Variants in RASGRF2 observed in about 807,000 individuals in gnomAD.
RASGRF2 encodes the protein ras-specific guanine nucleotide-releasing factor 2.
In RASGRF2, 76 loss-of-function variants were observed where a neutral mutation model predicts 151.0. The ratio of observed to expected loss-of-function variants is 0.50; its 90% CI spans 0.42 to 0.61. The LOEUF (loss-of-function observed/expected upper bound fraction) is 0.61. Among genes scored for constraint, RASGRF2 ranks in the 20% least tolerant of loss-of-function variants. RASGRF2 has a pLI of 0.00. For synonymous variants in RASGRF2, 504 were observed against 566.5 expected (o/e 0.89, Z 1.57); for missense variants, 1,148 against 1,564.6 (o/e 0.73, Z 4.49).
At chr5:81,199,394 G>C (rs530662278) in intron 18 of RASGRF2, among the ~76,000 whole-genome samples, 1 of 152,338 alleles carries the variant, frequency 6.6e-6, no homozygotes, top group African/African-American at 2.4e-5. Flanking sequence ...GACATATGAT[G>C]TTGGTTTCTT....
intron 18 of RASGRF2, among the ~76,000 whole-genome samples, chr5:81,184,541 C>T (rs796579136): frequency 6.6e-6 from 1 of 152,172 alleles, no homozygotes; most frequent in East Asian, 1.9e-4. Context: ...CCATGAATGA[C>T]GCTGGTAAAA....
chr5:81,199,544 T>G (rs972339319), intron 18 of RASGRF2, among the ~76,000 whole-genome samples: 1 of 152,228 alleles, frequency 6.6e-6, no homozygotes, highest in African/African-American at 2.4e-5. Flanking sequence ...TTCAACCATT[T>G]TAGCATTCAG....
chr5:81,208,282 C>A (rs1755554093), intron 21 of RASGRF2, 72 bp from the exon 22 acceptor site: 2 of 1,298,574 alleles, frequency 1.5e-6, no homozygotes, highest in African/African-American at 1.5e-5. Flanking sequence ...ATATTCGTGA[C>A]AACTGTCCAG....
chr5:81,087,406 G>A (rs965939690), intron 9 of RASGRF2: 2 of 693,290 alleles, frequency 2.9e-6, no homozygotes, highest in African/African-American at 3.5e-5. Flanking sequence ...CAGCACTTCC[G>A]GATCCGCCCC....
intron 11 of RASGRF2, 121 bp downstream of exon 11, chr5:81,094,483 G>A: frequency 1.1e-6 from 1 of 921,334 alleles, no homozygotes; most frequent in Non-Finnish European, 1.6e-6. Flanking sequence ...CATGAGCCTT[G>A]TTAAACCATC....
intron 22 of RASGRF2, among the ~76,000 whole-genome samples, chr5:81,210,788 C>A (rs1004295622): frequency 6.6e-6 from 1 of 152,134 alleles, no homozygotes; most frequent in African/African-American, 2.4e-5. Flanking sequence ...AGATGGCTGC[C>A]AGGTCCTCCA....
At chr5:80,992,164 T>G (rs1748670419) in intron 1 of RASGRF2, among the ~76,000 whole-genome samples, 1 of 18,412 alleles carries the variant, frequency 5.4e-5, no homozygotes, top group Non-Finnish European at 2.2e-4. Context: ...CTCTTCTTTC[T>G]GTTACATGCA....
At chr5:81,138,008 C>T (rs1162545156) in intron 17 of RASGRF2, among the ~76,000 whole-genome samples, 4 of 152,150 alleles carry the variant, frequency 2.6e-5, no homozygotes, top group East Asian at 3.9e-4. Context: ...TTTGCTGTAG[C>T]TATAGGAACC....
intron 1 of RASGRF2, among the ~76,000 whole-genome samples, chr5:81,037,162 A>G (rs565244400): frequency 5.9e-5 from 9 of 152,308 alleles, no homozygotes; most frequent in East Asian, 5.8e-4. Flanking sequence ...CCATGATTCA[A>G]TTATCTCTCA....
intron 15 of RASGRF2, among the ~76,000 whole-genome samples, chr5:81,122,472 G>A (rs1039985370): frequency 2.0e-5 from 3 of 151,946 alleles, no homozygotes; most frequent in African/African-American, 7.3e-5. Flanking sequence ...CCTTTTCCTG[G>A]CCCCTTTGTG....
At chr5:81,170,258 C>G (rs1480583098) in intron 17 of RASGRF2, among the ~76,000 whole-genome samples, 1 of 152,282 alleles carries the variant, frequency 6.6e-6, no homozygotes, top group East Asian at 1.9e-4. Flanking sequence ...ATCACTACCT[C>G]ACTCTTGGCC....
chr5:81,147,905 C>T (rs1023691933), intron 17 of RASGRF2, among the ~76,000 whole-genome samples: 3 of 152,170 alleles, frequency 2.0e-5, no homozygotes, highest in East Asian at 3.9e-4. Flanking sequence ...AAAGTCAGTT[C>T]TCTTAATTCC....
chr5:80,996,902 T>C (rs1279901287), intron 1 of RASGRF2, among the ~76,000 whole-genome samples: 1 of 152,028 alleles, frequency 6.6e-6, no homozygotes, highest in Non-Finnish European at 1.5e-5. Flanking sequence ...ATAGGCTTAG[T>C]AAAGCAAAGT....
At chr5:81,003,429 T>C (rs1580191142) in intron 1 of RASGRF2, among the ~76,000 whole-genome samples, 1 of 152,142 alleles carries the variant, frequency 6.6e-6, no homozygotes, top group Non-Finnish European at 1.5e-5. Context: ...TTCACCAGGT[T>C]AGCCAGGATG....
At chr5:81,008,366 G>T (rs1292463988) in intron 1 of RASGRF2, among the ~76,000 whole-genome samples, 3 of 151,874 alleles carry the variant, frequency 2.0e-5, no homozygotes, top group Admixed American at 2.0e-4. Flanking sequence ...GGTCAGGCTG[G>T]TCTCAAACTC....
chr5:81,067,984 T>C (rs1751658985), intron 2 of RASGRF2, 48 bp from the exon 3 acceptor site: 1 of 1,508,750 alleles, frequency 6.6e-7, no homozygotes, highest in East Asian at 2.3e-5. Flanking sequence ...TGGAACTCTA[T>C]ATAGTAGAAC....
At chr5:80,980,430 A>G (rs1230275900) in intron 1 of RASGRF2, among the ~76,000 whole-genome samples, 2 of 152,176 alleles carry the variant, frequency 1.3e-5, no homozygotes, top group African/African-American at 2.4e-5. Flanking sequence ...ACTTGAGGTC[A>G]GGAGTTTGAG....
intron 17 of RASGRF2, among the ~76,000 whole-genome samples, chr5:81,174,736 A>G (rs948461806): frequency 5.3e-5 from 8 of 152,216 alleles, no homozygotes; most frequent in African/African-American, 1.7e-4. Flanking sequence ...TAATTGTCAC[A>G]TAAGAAATGT....
At chr5:81,206,582 C>T (rs963239841) in intron 19 of RASGRF2, among the ~76,000 whole-genome samples, 8 of 152,184 alleles carry the variant, frequency 5.3e-5, no homozygotes, top group South Asian at 2.1e-4. Context: ...CTCACTGTGA[C>T]GGTGGTTGTT....
Sources: allele counts gnomAD v4.1 joint callset (sites outside exome capture counted in the v4.1 genomes callset), GRCh38; gene constraint gnomAD v4.1.1; transcripts MANE v1.5; gene names NCBI Gene and HGNC (gene_info 2026-07-23, HGNC 2026-07-21).